CPQ: variants seen among roughly 807,000 people sequenced by gnomAD.
CPQ encodes carboxypeptidase Q.
In CPQ, 37 loss-of-function variants were observed where a neutral mutation model predicts 45.7. The ratio of observed to expected loss-of-function variants is 0.81; its 90% CI spans 0.62 to 1.07. The LOEUF (loss-of-function observed/expected upper bound fraction) is 1.07. Ranked by LOEUF, CPQ falls within the 50% of genes least tolerant of loss-of-function variation. The probability of loss-of-function intolerance (pLI) is 0.00; values close to 1 mark genes in which losing one functional copy is unlikely to be tolerated. For missense variants in CPQ, 537 were observed against 572.9 expected (o/e 0.94, Z 0.64); for synonymous variants, 186 against 205.8 (o/e 0.90, Z 0.82).
chr8:96,894,560 C>G (rs1418917097), intron 4 of CPQ, among the ~76,000 whole-genome samples: 3 of 152,112 alleles, frequency 2.0e-5, no homozygotes, highest in African/African-American at 7.2e-5. Flanking sequence ...ATAAAAATCA[C>G]ACCAAGAAAT....
chr8:97,054,933 G>A (rs1810426223), intron 6 of CPQ, among the ~76,000 whole-genome samples: 1 of 152,154 alleles, frequency 6.6e-6, no homozygotes, highest in Non-Finnish European at 1.5e-5. Flanking sequence ...ATAACAAAAT[G>A]TTTTAAGTAT....
chr8:97,101,940 C>G (rs1563580531), intron 7 of CPQ, among the ~76,000 whole-genome samples: 1 of 142,114 alleles, frequency 7.0e-6, no homozygotes, highest in Non-Finnish European at 1.5e-5. Flanking sequence ...CTCTCTCTCT[C>G]TCCCTCCCTC....
intron 1 of CPQ, among the ~76,000 whole-genome samples, chr8:96,715,219 G>A (rs968423851): frequency 6.6e-6 from 1 of 152,210 alleles, no homozygotes; most frequent in Non-Finnish European, 1.5e-5. Flanking sequence ...AGCCTTGATA[G>A]AGGAGGCTGG....
intron 1 of CPQ, among the ~76,000 whole-genome samples, chr8:96,767,155 C>A (rs1356558462): frequency 6.6e-6 from 1 of 152,166 alleles, no homozygotes; most frequent in Non-Finnish European, 1.5e-5. Flanking sequence ...TCAAAGGGAA[C>A]AATTTCCTGC....
intron 5 of CPQ, among the ~76,000 whole-genome samples, chr8:96,969,532 A>G (rs1813627524): frequency 6.6e-6 from 1 of 152,226 alleles, no homozygotes; most frequent in African/African-American, 2.4e-5. Context: ...GAGCAACTTC[A>G]CTAAGATGTT....
At chr8:96,702,767 C>T (rs1043717231) in intron 1 of CPQ, among the ~76,000 whole-genome samples, 1 of 152,088 alleles carries the variant, frequency 6.6e-6, no homozygotes, top group Non-Finnish European at 1.5e-5. Context: ...CCTGTCCCTC[C>T]CTCCCCTTTC....
intron 3 of CPQ, among the ~76,000 whole-genome samples, chr8:96,840,312 C>A (rs115543890): frequency 5.3e-5 from 8 of 152,202 alleles, no homozygotes; most frequent in Non-Finnish European, 1.0e-4. Flanking sequence ...AGAGACCAGG[C>A]TTGAAGAATT....
intron 1 of CPQ, among the ~76,000 whole-genome samples, chr8:96,711,152 G>A (rs1809603363): frequency 6.6e-6 from 1 of 151,822 alleles, no homozygotes; most frequent in Non-Finnish European, 1.5e-5. Flanking sequence ...ACTCCTGCTT[G>A]CATTTAGCTT....
intron 4 of CPQ, among the ~76,000 whole-genome samples, chr8:96,909,152 G>C (rs755924620): frequency 1.3e-5 from 2 of 152,104 alleles, no homozygotes; most frequent in Non-Finnish European, 2.9e-5. Flanking sequence ...AATGGATCTT[G>C]GGGGAGAGAA....
rs62508680 is a variant in CPQ at position 96,827,001 on chromosome 8, T to C, written c.434-7972T>C. On this transcript the variant is annotated intron_variant, in intron 2 of 7. Transcript: ENST00000220763. ...TGCATAGTATTCCACGGTGTATATG[T>C]ACCACATTTTCTTAGAGACAATGCC... Among the ~76,000 whole-genome samples the C allele has an allele frequency of 5.0e-3, 768 of 152,194 alleles. 2 individuals are homozygous for C. Among genetic ancestry groups the C allele is most frequent in the Non-Finnish European group, 8.7e-3 (593 of 67,972 alleles).
intron 4 of CPQ, among the ~76,000 whole-genome samples, chr8:96,923,434 A>G (rs760472380): frequency 2.6e-5 from 4 of 152,152 alleles, no homozygotes; most frequent in Non-Finnish European, 5.9e-5. Context: ...GGAATAATTT[A>G]GTCACCTTCT....
chr8:96,983,085 C>G (rs1813934227), intron 5 of CPQ, among the ~76,000 whole-genome samples: 1 of 152,178 alleles, frequency 6.6e-6, no homozygotes, highest in Admixed American at 6.5e-5. Context: ...CCATTTCCTT[C>G]TCCCTCTGCA....
intron 1 of CPQ, among the ~76,000 whole-genome samples, chr8:96,661,397 C>A (rs1424524010): frequency 6.6e-6 from 1 of 152,064 alleles, no homozygotes; most frequent in East Asian, 1.9e-4. Flanking sequence ...GGTGTGCTTT[C>A]TATGGGTTTG....
intron 4 of CPQ, among the ~76,000 whole-genome samples, chr8:96,923,701 A>G (rs935676122): frequency 5.9e-5 from 9 of 152,162 alleles, no homozygotes; most frequent in Admixed American, 5.9e-4. Flanking sequence ...GCTCTGTTTC[A>G]GTTTGGTTAT....
intron 1 of CPQ, among the ~76,000 whole-genome samples, chr8:96,698,355 G>C (rs561105300): frequency 2.5e-4 from 38 of 152,142 alleles, no homozygotes; most frequent in African/African-American, 8.9e-4. Context: ...AATCAAAATG[G>C]ATTAAAGACT....
chr8:96,778,337 A>T (rs937671261), intron 1 of CPQ, among the ~76,000 whole-genome samples: 1 of 152,148 alleles, frequency 6.6e-6, no homozygotes, highest in East Asian at 1.9e-4. Flanking sequence ...CTATCTAAAA[A>T]CAATAATAAT....
chr8:96,878,330 A>G (rs1366517638), intron 3 of CPQ, among the ~76,000 whole-genome samples: 1 of 152,248 alleles, frequency 6.6e-6, no homozygotes, highest in African/African-American at 2.4e-5. Flanking sequence ...ACTTGAGATT[A>G]GACAGTCTCT....
chr8:96,788,074 C>G (rs569340736), intron 2 of CPQ, among the ~76,000 whole-genome samples: 1 of 117,050 alleles, frequency 8.5e-6, no homozygotes, highest in African/African-American at 3.4e-5. Context: ...TTTTTCTTTT[C>G]TTTCTTTCTT....
chr8:96,987,838 G>A (rs540771267), intron 5 of CPQ, among the ~76,000 whole-genome samples: 22 of 152,118 alleles, frequency 1.4e-4, no homozygotes, highest in African/African-American at 3.9e-4. Flanking sequence ...TTTTTCAAGC[G>A]GAGAGATTAG....
Sources: gnomAD v4.1 joint callset for allele counts (sites outside exome capture counted in the v4.1 genomes callset) on GRCh38, gnomAD v4.1.1 for gene constraint, MANE v1.5 for transcripts, NCBI Gene and HGNC (gene_info 2026-07-23, HGNC 2026-07-21) for gene names.